TMEM132C: variants seen among roughly 807,000 people sequenced by gnomAD.
The protein encoded by TMEM132C is transmembrane protein 132C, also known as protein phosphatase 1, regulatory subunit 152.
A neutral mutation model predicts 61.4 loss-of-function variants in TMEM132C; 29 were observed. The ratio of observed to expected loss-of-function variants is 0.47; its 90% CI spans 0.35 to 0.64. The LOEUF (loss-of-function observed/expected upper bound fraction) is 0.64. TMEM132C is among the 30% of genes least tolerant of loss of function. TMEM132C has a pLI of 0.00. For synonymous variants in TMEM132C, 656 were observed against 633.1 expected (o/e 1.04, Z -0.54); for missense variants, 1,408 against 1,476.9 (o/e 0.95, Z 0.76).
chr12:128,310,546 G>T (rs928869506), intron 1 of TMEM132C, among the ~76,000 whole-genome samples: 30 of 152,068 alleles, frequency 2.0e-4, no homozygotes, highest in African/African-American at 7.0e-4. Flanking sequence ...GGGGTCGGGG[G>T]TTTGCCACAC....
At chr12:128,703,543 T>C (rs1410603148) in intron 8 of TMEM132C, among the ~76,000 whole-genome samples, 1 of 152,206 alleles carries the variant, frequency 6.6e-6, no homozygotes, top group Non-Finnish European at 1.5e-5. Flanking sequence ...ATCCAGTTTA[T>C]CATTAATGGT....
At chr12:128,624,231 T>A (rs1465430691) in intron 4 of TMEM132C, among the ~76,000 whole-genome samples, 2 of 152,184 alleles carry the variant, frequency 1.3e-5, no homozygotes, top group South Asian at 4.2e-4. Flanking sequence ...GACTTCTCTG[T>A]GCCTCAGTTT....
chr12:128,624,591 A>G (rs574891348), intron 4 of TMEM132C, among the ~76,000 whole-genome samples: 1 of 151,224 alleles, frequency 6.6e-6, no homozygotes, highest in African/African-American at 2.4e-5. Context: ...CCCCCAACTC[A>G]TGGGCCTGTT....
chr12:128,622,794 A>G (rs1264196190), intron 4 of TMEM132C, among the ~76,000 whole-genome samples: 1 of 152,136 alleles, frequency 6.6e-6, no homozygotes, highest in African/African-American at 2.4e-5. Flanking sequence ...TCAAGAGACA[A>G]TGGAAAAATA....
At chr12:128,653,457 A>G (rs970374977) in intron 4 of TMEM132C, among the ~76,000 whole-genome samples, 1 of 152,172 alleles carries the variant, frequency 6.6e-6, no homozygotes, top group Non-Finnish European at 1.5e-5. Flanking sequence ...TAGTGTATGC[A>G]TTTGCATTTT....
chr12:128,393,063 C>A (rs1874821298), intron 1 of TMEM132C, among the ~76,000 whole-genome samples: 2 of 152,216 alleles, frequency 1.3e-5, no homozygotes, highest in Admixed American at 6.5e-5. Context: ...TCTTGCAGAA[C>A]AAAAAGTCCT....
At chr12:128,547,945 C>T (rs193257218) in intron 3 of TMEM132C, among the ~76,000 whole-genome samples, 11 of 152,262 alleles carry the variant, frequency 7.2e-5, no homozygotes, top group Admixed American at 1.3e-4. Flanking sequence ...CAGAGCATGC[C>T]CCCTGGCCCT....
intron 4 of TMEM132C, among the ~76,000 whole-genome samples, chr12:128,647,856 C>G (rs905598013): frequency 2.0e-5 from 3 of 148,074 alleles, no homozygotes; most frequent in Non-Finnish European, 2.9e-5. Context: ...ATCCCATCAG[C>G]ATTGGATGTG....
chr12:128,300,541 T>C (rs1871562272), intron 1 of TMEM132C, among the ~76,000 whole-genome samples: 1 of 152,162 alleles, frequency 6.6e-6, no homozygotes, highest in Non-Finnish European at 1.5e-5. Context: ...GTTACAGTGA[T>C]GCCTTTTCAC....
chr12:128,661,585 A>G (rs887106895), intron 4 of TMEM132C, among the ~76,000 whole-genome samples: 1 of 152,088 alleles, frequency 6.6e-6, no homozygotes, highest in African/African-American at 2.4e-5. Flanking sequence ...CCCTGGATAC[A>G]TATGCACATG....
At chr12:128,559,202 C>T (rs76374737) in intron 3 of TMEM132C, among the ~76,000 whole-genome samples, 5,965 of 152,020 alleles carry the variant, frequency 0.039, 370 homozygotes, top group African/African-American at 0.13. Flanking sequence ...CACATTTCCT[C>T]TCCCACTGCA....
At chr12:128,464,405 G>A (rs2136073514) in intron 2 of TMEM132C, among the ~76,000 whole-genome samples, 1 of 152,246 alleles carries the variant, frequency 6.6e-6, no homozygotes, top group Admixed American at 6.5e-5. Flanking sequence ...GATGGACCAG[G>A]AGCAGGTGAT....
At chr12:128,493,018 A>T (rs1871799256) in intron 2 of TMEM132C, among the ~76,000 whole-genome samples, 2 of 152,120 alleles carry the variant, frequency 1.3e-5, no homozygotes, top group Non-Finnish European at 2.9e-5. Flanking sequence ...TCTTGAATTA[A>T]TTTTTGTATA....
intron 4 of TMEM132C, among the ~76,000 whole-genome samples, chr12:128,623,817 A>G (rs1271958914): frequency 2.0e-5 from 3 of 152,176 alleles, no homozygotes; most frequent in Admixed American, 2.0e-4. Flanking sequence ...CAAAAAAAAA[A>G]ATGATGATAT....
intron 1 of TMEM132C, among the ~76,000 whole-genome samples, chr12:128,400,730 T>C (rs1875127380): frequency 6.6e-6 from 1 of 151,938 alleles, no homozygotes; most frequent in Admixed American, 6.6e-5. Flanking sequence ...TTACTCAGCC[T>C]CCTGAGTAGC....
intron 1 of TMEM132C, among the ~76,000 whole-genome samples, chr12:128,400,370 T>A (rs1875111238): frequency 6.6e-6 from 1 of 152,188 alleles, no homozygotes; most frequent in Non-Finnish European, 1.5e-5. Flanking sequence ...GAAAGGCGTT[T>A]GCTTAAGAGT....
chr12:128,516,833 G>A (rs758290885), intron 2 of TMEM132C, among the ~76,000 whole-genome samples: 4 of 151,952 alleles, frequency 2.6e-5, no homozygotes, highest in African/African-American at 4.8e-5. Flanking sequence ...GGGATGGCTT[G>A]AACTCCGGGG....
At chr12:128,347,928 C>T (rs1460553171) in intron 1 of TMEM132C, among the ~76,000 whole-genome samples, 1 of 152,190 alleles carries the variant, frequency 6.6e-6, no homozygotes, top group Non-Finnish European at 1.5e-5. Flanking sequence ...TATTCTTGGT[C>T]TCTTGCAATT....
intron 4 of TMEM132C, among the ~76,000 whole-genome samples, chr12:128,665,230 C>T (rs1593140505): frequency 6.7e-6 from 1 of 150,308 alleles, no homozygotes; most frequent in Non-Finnish European, 1.5e-5. Flanking sequence ...TACCTATACA[C>T]ACAGGCTCGC....
Sources: gnomAD v4.1 joint callset for allele counts (sites outside exome capture counted in the v4.1 genomes callset) on GRCh38, gnomAD v4.1.1 for gene constraint, MANE v1.5 for transcripts, NCBI Gene and HGNC (gene_info 2026-07-23, HGNC 2026-07-21) for gene names.